PPP3R1: variants seen among roughly 807,000 people sequenced by gnomAD.
PPP3R1 encodes protein phosphatase 3 regulatory subunit B, alpha, also known as calcineurin subunit B type 1.
PPP3R1 carries 5 observed loss-of-function variants against 22.6 expected under a neutral mutation model. The ratio of observed to expected loss-of-function variants is 0.22; its 90% CI spans 0.12 to 0.46. The LOEUF (loss-of-function observed/expected upper bound fraction) is 0.46, where lower values mean the gene tolerates loss of function less well. Ranked by LOEUF, PPP3R1 falls within the 20% of genes least tolerant of loss-of-function variation. PPP3R1 has a pLI of 0.99. For synonymous variants in PPP3R1, 56 were observed against 65.2 expected, an observed-to-expected ratio of 0.86 and a Z score of 0.68; for missense variants, 61 against 203.2, an observed-to-expected ratio of 0.30 and a Z score of 4.25.
intron 1 of PPP3R1, among the ~76,000 whole-genome samples, chr2:68,247,380 T>C (rs2103817205): frequency 6.6e-6 from 1 of 152,360 alleles, no homozygotes; most frequent in Middle Eastern, 3.4e-3. Context: ...ATACTGATGC[T>C]GCTAGTCCAG....
intron 2 of PPP3R1, among the ~76,000 whole-genome samples, chr2:68,209,196 A>C (rs1669412643): frequency 6.7e-6 from 1 of 149,322 alleles, no homozygotes; most frequent in Non-Finnish European, 1.5e-5. Flanking sequence ...GTCTCTACTA[A>C]AAATACAAAA....
intron 1 of PPP3R1, among the ~76,000 whole-genome samples, chr2:68,237,570 G>T (rs534761441): frequency 2.3e-4 from 35 of 152,168 alleles, no homozygotes; most frequent in African/African-American, 8.2e-4. Context: ...GTAATGTGAC[G>T]AGAATGAATA....
rs560156039 is a variant in PPP3R1, at chr2:68,220,106, A to C, written c.4-2975T>G. ...TGTGATCATCTATATAAGAAAACAA[A>C]AGAGGTAAAGCCCTTAGGATCTATG... On this transcript the variant is annotated intron_variant, in intron 1 of 5. Transcript: ENST00000234310. Among the ~76,000 whole-genome samples, 41 of 152,342 alleles carry C rather than the reference A, an allele frequency of 2.7e-4. 1 individual carries two copies. Among genetic ancestry groups the C allele is most frequent in the Admixed American group, 1.7e-3 (26 of 15,300 alleles).
At position 68,186,536 on chromosome 2, in the gene PPP3R1, C is replaced by T. The variant is rs1674549764; in HGVS notation, c.397G>A (p.Val133Ile). ...NLKDTQLQQI[V>I]DKTIINADKD... ...TCTGCATTTATTATGGTTTTGTCTA[C>T]AATTTGCTGTAACTGTGTATCTTTC... The change falls in exon 5 of 6, where the codon GTA (valine) becomes ATA (isoleucine). Residue 133 changes from valine to isoleucine, a missense_variant. Coordinates refer to ENST00000234310, the MANE Select transcript of PPP3R1 (RefSeq NM_000945.4). 1 of 1,613,178 alleles carries T rather than the reference C, an allele frequency of 6.2e-7. No homozygotes were observed. The highest frequency in any genetic ancestry group is 1.1e-5 in the South Asian group (1 of 91,054).
rs1346863478 is a variant in PPP3R1, at chr2:68,188,446, TAC to T, written c.220+66_220+67del. The stretch of plus-strand genomic sequence containing the variant: ...AATATAAGCACTTTTTTTTTTTTTT[TAC>T]ACAGAGCTGTAAGAATACAAATAGG... On this transcript the variant is annotated intron_variant, in intron 3 of 5. Coordinates refer to ENST00000234310, the MANE Select transcript of PPP3R1 (RefSeq NM_000945.4). 30 of 1,193,370 alleles carry T rather than the reference TAC, an allele frequency of 2.5e-5. No individual in the cohort carries two copies. In the East Asian group the frequency reaches 6.5e-4, roughly 26 times the overall value. The allele number at this position is 1,193,370 out of a possible 1,614,324, so 73.9% of individuals were successfully genotyped here. A position where few individuals can be genotyped will look rare whatever the true frequency, so the allele number is the denominator to read the frequency against.
chr2:68,194,186 A>G, intron 2 of PPP3R1, among the ~76,000 whole-genome samples: 1 of 152,154 alleles, frequency 6.6e-6, no homozygotes, highest in Admixed American at 6.5e-5. Context: ...CAAGGTGGCA[A>G]AAACTTAGAT....
chr2:68,233,652 TACAA>T (rs1477941352), intron 1 of PPP3R1, among the ~76,000 whole-genome samples: 2 of 152,096 alleles, frequency 1.3e-5, no homozygotes, highest in African/African-American at 4.8e-5. Context: ...TTTTTAAGTC[TACAA>T]ACAAAAAAAA....
Position 68,179,448 on chromosome 2 carries a change from G to C in PPP3R1, c.*1515C>G, listed in dbSNP as rs1325596905. 1 of 152,508 alleles carries C rather than the reference G, an allele frequency of 6.6e-6. No homozygotes were observed. Among genetic ancestry groups the C allele is most frequent in the Non-Finnish European group, 1.5e-5 (1 of 68,038 alleles). The allele number at this position is 152,508 out of a possible 1,614,324, so 9.4% of individuals were successfully genotyped here. On this transcript the variant is annotated 3_prime_UTR_variant, in exon 6 of 6. Transcript: ENST00000234310. ...TTTTTCTCTCACAGACAGAGCCCAT[G>C]ATGTGCAGCACTCAGTTGAAGGAAC...
chr2:68,196,251 TAA>T (rs1358917688), intron 2 of PPP3R1, among the ~76,000 whole-genome samples: 4 of 152,218 alleles, frequency 2.6e-5, no homozygotes, highest in African/African-American at 7.2e-5. Flanking sequence ...CAGTTTTTTA[TAA>T]AGACACCTCC....
At chr2:68,244,521 C>T (rs1050890624) in intron 1 of PPP3R1, among the ~76,000 whole-genome samples, 1 of 152,138 alleles carries the variant, frequency 6.6e-6, no homozygotes. Context: ...ATATCTGTTG[C>T]CATGGCCTAT....
intron 2 of PPP3R1, among the ~76,000 whole-genome samples, chr2:68,213,213 A>G (rs893621191): frequency 3.3e-5 from 5 of 152,254 alleles, no homozygotes. Context: ...TGTGTGGCAC[A>G]GGAGGCCTAG....
chr2:68,191,640 T>G (rs1674671105), intron 2 of PPP3R1, among the ~76,000 whole-genome samples: 1 of 152,206 alleles, frequency 6.6e-6, no homozygotes, highest in Non-Finnish European at 1.5e-5. Flanking sequence ...TTCAGCTCCA[T>G]TATAATCTTA....
intron 2 of PPP3R1, among the ~76,000 whole-genome samples, chr2:68,197,286 T>C (rs941157854): frequency 6.6e-6 from 1 of 152,172 alleles, no homozygotes; most frequent in Non-Finnish European, 1.5e-5. Flanking sequence ...TACAGGATCA[T>C]ACAGTAGGTA....
intron 1 of PPP3R1, among the ~76,000 whole-genome samples, chr2:68,241,492 G>A (rs944828480): frequency 6.6e-6 from 1 of 152,032 alleles, no homozygotes; most frequent in East Asian, 1.9e-4. Context: ...CTAATAAATG[G>A]CAGAGCCAGA....
intron 5 of PPP3R1, 33 bp from the exon 6 acceptor site, chr2:68,181,043 G>A: frequency 6.3e-7 from 1 of 1,596,092 alleles, no homozygotes; most frequent in Non-Finnish European, 8.6e-7. Flanking sequence ...AAGCTTCACA[G>A]TGTCTGAGAA....
chr2:68,249,546 G>C (rs150070572), intron 1 of PPP3R1, among the ~76,000 whole-genome samples: 148 of 152,028 alleles, frequency 9.7e-4, no homozygotes, highest in Admixed American at 2.4e-3. Flanking sequence ...TAAGTATCCA[G>C]AACAAAATCC....
At chr2:68,249,087 C>G (rs1670288621) in intron 1 of PPP3R1, among the ~76,000 whole-genome samples, 1 of 152,200 alleles carries the variant, frequency 6.6e-6, no homozygotes, top group South Asian at 2.1e-4. Context: ...TCCTCCTGGC[C>G]CAAGGTGACT....
chr2:68,215,824 G>T (rs1015903181), intron 2 of PPP3R1, among the ~76,000 whole-genome samples: 2 of 152,100 alleles, frequency 1.3e-5, no homozygotes, highest in African/African-American at 4.8e-5. Flanking sequence ...AGTGGGTGGG[G>T]AAAGAGTAGA....
chr2:68,240,961 C>T (rs547364270), intron 1 of PPP3R1, among the ~76,000 whole-genome samples: 2 of 152,282 alleles, frequency 1.3e-5, no homozygotes, highest in African/African-American at 4.8e-5. Flanking sequence ...TAGAAAAGGT[C>T]GCAGAAGCCA....
Sources: allele counts gnomAD v4.1 joint callset (sites outside exome capture counted in the v4.1 genomes callset), GRCh38; gene constraint gnomAD v4.1.1; transcripts MANE v1.5; gene names NCBI Gene and HGNC (gene_info 2026-07-23, HGNC 2026-07-21).